PLXDC1: variants seen among roughly 807,000 people sequenced by gnomAD.
PLXDC1 encodes plexin domain-containing protein 1.
PLXDC1 carries 39 observed loss-of-function variants against 61.3 expected under a neutral mutation model. The ratio of observed to expected loss-of-function variants is 0.64; its 90% CI spans 0.49 to 0.83. The LOEUF is 0.83. Ranked by LOEUF, PLXDC1 falls within the 40% of genes least tolerant of loss-of-function variation. PLXDC1 has a pLI of 0.00. For synonymous variants in PLXDC1, 212 were observed against 254.5 expected (o/e 0.83, Z 1.59); for missense variants, 596 against 666.5 (o/e 0.89, Z 1.17).
chr17:39,115,576 G>A (rs766682909), intron 2 of PLXDC1, among the ~76,000 whole-genome samples: 8 of 152,324 alleles, frequency 5.3e-5, no homozygotes, highest in Non-Finnish European at 8.8e-5. Flanking sequence ...ACACAGTGAT[G>A]GGTGAGGCCA....
chr17:39,094,241 T>G (rs1245791943), intron 7 of PLXDC1, among the ~76,000 whole-genome samples: 1 of 151,956 alleles, frequency 6.6e-6, no homozygotes, highest in Non-Finnish European at 1.5e-5. Flanking sequence ...TGAAGCAGAC[T>G]TTCACACACC....
intron 2 of PLXDC1, among the ~76,000 whole-genome samples, chr17:39,120,823 G>A (rs71369714): frequency 6.7e-6 from 1 of 148,210 alleles, no homozygotes; most frequent in Non-Finnish European, 1.5e-5. Flanking sequence ...GAGTGCAATA[G>A]CACAATCTCG....
At chr17:39,152,481 A>T (rs2045380697), upstream of PLXDC1, 7 of 1,167,766 alleles carry the variant, frequency 6.0e-6, no homozygotes, top group Admixed American at 4.2e-5. Flanking sequence ...GCAATGTAGG[A>T]TATTTAATAG....
chr17:39,087,763 C>T (rs892538363), intron 7 of PLXDC1, 61 bp from the exon 8 acceptor site: 8 of 1,242,794 alleles, frequency 6.4e-6, no homozygotes, highest in Admixed American at 1.9e-5. Flanking sequence ...ATCGAGGCCT[C>T]TTCCCGGACA....
intron 8 of PLXDC1, 60 bp from the exon 9 acceptor site, chr17:39,083,600 G>C: frequency 2.3e-6 from 3 of 1,278,196 alleles, no homozygotes; most frequent in Non-Finnish European, 2.2e-6. Context: ...TCCAAAGGGT[G>C]CAACTCTGAA....
chr17:39,118,214 T>C (rs1448806076), intron 2 of PLXDC1, among the ~76,000 whole-genome samples: 4 of 151,632 alleles, frequency 2.6e-5, no homozygotes, highest in South Asian at 2.1e-4. Flanking sequence ...TTTCTTTTCT[T>C]CTTTTTTGAG....
chr17:39,101,463 C>T (rs1386706869), intron 7 of PLXDC1, among the ~76,000 whole-genome samples: 1 of 152,082 alleles, frequency 6.6e-6, no homozygotes. Flanking sequence ...AGACAGAGGG[C>T]ACGGGGCCCT....
In PLXDC1 at chr17:39,066,614, C is replaced by A. The variant is rs1424651426; in HGVS notation, c.*1226G>T. ...TCTTTTTTTTTTTTTGAGACGGAGT[C>A]TCGCTCTGTCACCCAGGCTGGAGTG... On this transcript the variant is annotated 3_prime_UTR_variant, in exon 14 of 14. Transcript: ENST00000315392. 6.6e-6 allele frequency: 1 copy of A among 151,692 alleles called. No homozygotes were observed. The highest frequency in any genetic ancestry group is 2.4e-5 in the African/African-American group (1 of 41,220). 9.4% of individuals were successfully genotyped at this position (151,692 alleles called of 1,614,324 possible). A position where few individuals can be genotyped will look rare whatever the true frequency, so the allele number is the denominator to read the frequency against.
intron 2 of PLXDC1, among the ~76,000 whole-genome samples, chr17:39,135,344 C>T (rs1420541480): frequency 7.2e-5 from 11 of 152,144 alleles, no homozygotes; most frequent in South Asian, 2.1e-4. Context: ...GACAATCGAG[C>T]GGGTCACCAA....
In PLXDC1 at chr17:39,107,465, C is replaced by A; in HGVS notation, c.653G>T (p.Ser218Ile). 6.2e-7 allele frequency: 1 copy of A among 1,614,140 alleles called. No individual in the cohort carries two copies. The highest frequency in any genetic ancestry group is 8.5e-7 in the Non-Finnish European group (1 of 1,179,988). The change falls in exon 6 of 14, where the codon AGT (serine) becomes ATT (isoleucine). Residue 218 changes from serine to isoleucine, a missense_variant. Coordinates refer to ENST00000315392, the MANE Select transcript of PLXDC1 (RefSeq NM_020405.5). ...VYLQGWEDKG[S>I]FTFQAALHHD... ...GTGCAGAGCTGCCTGGAAGGTGAAA[C>A]TGCCCTTGTCTTCCCAGCCTTGGAG...
intron 2 of PLXDC1, among the ~76,000 whole-genome samples, chr17:39,135,005 C>T (rs777243317): frequency 1.3e-5 from 2 of 152,226 alleles, no homozygotes; most frequent in African/African-American, 4.8e-5. Flanking sequence ...AAATCTTTTC[C>T]TCGTGAGCTG....
At chr17:39,082,148 G>A (rs906446463) in intron 9 of PLXDC1, among the ~76,000 whole-genome samples, 9 of 152,300 alleles carry the variant, frequency 5.9e-5, no homozygotes, top group Non-Finnish European at 1.2e-4. Flanking sequence ...TGTCCTGTGT[G>A]CTAGGCAGGC....
At chr17:39,083,342 G>T in intron 9 of PLXDC1, 117 bp downstream of exon 9, 2 of 770,672 alleles carry the variant, frequency 2.6e-6, no homozygotes, top group Non-Finnish European at 4.6e-6. Flanking sequence ...AGTGGTACTG[G>T]CCAGAGATAC....
chr17:39,125,357 G>C (rs998864123), intron 2 of PLXDC1, among the ~76,000 whole-genome samples: 3 of 152,204 alleles, frequency 2.0e-5, no homozygotes, highest in Admixed American at 2.0e-4. Flanking sequence ...GCTGACCTAA[G>C]AAAGCCCTGG....
At chr17:39,139,927 A>C in intron 1 of PLXDC1, 95 bp from the exon 2 acceptor site, 4 of 1,208,362 alleles carry the variant, frequency 3.3e-6, no homozygotes, top group Non-Finnish European at 4.6e-6. Context: ...CCCCAACACC[A>C]TGCCACTGTA....
intron 2 of PLXDC1, among the ~76,000 whole-genome samples, chr17:39,128,105 A>ATACACATATATATGTGTG (rs1911384855): frequency 1.2e-5 from 1 of 81,786 alleles, no homozygotes; most frequent in Non-Finnish European, 2.4e-5. Flanking sequence ...GTGTATATAT[A>ATACACATATATATGTGTG]TATATATATG....
At chr17:39,127,874 C>T (rs969574028) in intron 2 of PLXDC1, among the ~76,000 whole-genome samples, 19 of 132,152 alleles carry the variant, frequency 1.4e-4, no homozygotes, top group African/African-American at 3.2e-4. Context: ...AGGAGAATGG[C>T]GTGAACCGAG....
At chr17:39,128,094 T>TATATATATATATATATAC (rs1911377570) in intron 2 of PLXDC1, among the ~76,000 whole-genome samples, 2 of 71,092 alleles carry the variant, frequency 2.8e-5, no homozygotes, top group South Asian at 5.0e-4. Context: ...TCTCTCTCTA[T>TATATATATATATATATAC]GTGTATATAT....
Position 39,078,034 on chromosome 17 carries a change from C to T in PLXDC1, c.1065G>A (p.Met355Ile). 6.2e-7 allele frequency: 1 copy of T among 1,608,716 alleles called. No homozygotes were observed. The highest frequency in any genetic ancestry group is 8.5e-7 in the Non-Finnish European group (1 of 1,177,252). The change falls in exon 11 of 14, where the codon ATG (methionine) becomes ATA (isoleucine). Residue 355 changes from methionine to isoleucine, a missense_variant. Coordinates refer to ENST00000315392, the MANE Select transcript of PLXDC1 (RefSeq NM_020405.5). ...GGTCCTCATCCTGGAAGTCCTCGCA[C>T]ATCCTGCCCTCTGCCTGCAGGAGAG... ...YGCAQEAEGRMCEDFQDEDHD... is the reference protein window; with the variant it reads ...YGCAQEAEGRICEDFQDEDHD...
Sources: gnomAD v4.1 joint callset for allele counts (sites outside exome capture counted in the v4.1 genomes callset) on GRCh38, gnomAD v4.1.1 for gene constraint, MANE v1.5 for transcripts, NCBI Gene and HGNC (gene_info 2026-07-23, HGNC 2026-07-21) for gene names.